DHDDS: variants seen among roughly 807,000 people sequenced by gnomAD.
DHDDS encodes dehydrodolichyl diphosphate synthase subunit.
Under a neutral mutation model 46.2 loss-of-function variants are expected in DHDDS, and 16 were observed. The observed-to-expected ratio is 0.35, with a 90% CI of 0.23 to 0.53. The LOEUF (loss-of-function observed/expected upper bound fraction) is 0.53. DHDDS is among the 20% of genes least tolerant of loss of function. The pLI, the probability that DHDDS is intolerant of heterozygous loss-of-function variation, is 0.94. For missense variants in DHDDS, 340 were observed against 423.7 expected (o/e 0.80, Z 1.73); for synonymous variants, 151 against 163.1 (o/e 0.93, Z 0.56).
rs759587643 is a variant in DHDDS, at chr1:26,468,863, TC to T, written c.766-28del. On this transcript the variant is annotated intron_variant, in intron 8 of 8. Transcript: ENST00000236342. ...GTTTCACCCACTCCTAAAAATGATC[TC>T]CCCACCCCAATCCCCACTTTTCTCT... 3.4e-6 allele frequency: 5 copies of T among 1,468,070 alleles called. No homozygotes were observed. The African/African-American group carries it at 4.5e-5, about 13-fold the overall frequency. The allele number at this position is 1,468,070 out of a possible 1,614,324, so 90.9% of individuals were successfully genotyped here.
intron 5 of DHDDS, among the ~76,000 whole-genome samples, chr1:26,447,276 C>T (rs1350561741): frequency 1.3e-5 from 2 of 152,018 alleles, no homozygotes; most frequent in East Asian, 1.9e-4. Flanking sequence ...GTCGAGATCA[C>T]GCCATTGCAC....
At chr1:26,453,869 A>G (rs971204278) in intron 6 of DHDDS, among the ~76,000 whole-genome samples, 2 of 152,128 alleles carry the variant, frequency 1.3e-5, no homozygotes, top group Non-Finnish European at 2.9e-5. Context: ...TCACCATTCC[A>G]TTTAGTGATG....
rs1281509733 is a variant in DHDDS at position 26,438,197 on chromosome 1, C to T, written c.93C>T (p.Phe31=). 1.2e-6 allele frequency: 2 copies of T among 1,613,988 alleles called. No homozygotes were observed. The highest frequency in any genetic ancestry group is 1.7e-6 in the Non-Finnish European group (2 of 1,179,892). ...GCCCAATGCCGAAACACATTGCATT[C>T]ATAATGGACGGGAACCGTCGCTATG... ...KAGPMPKHIA[F]IMDGNRRYAK... The change falls in exon 3 of 9, where the codon TTC becomes TTT. Residue 31 remains phenylalanine, a synonymous_variant. Coordinates refer to ENST00000236342, the MANE Select transcript of DHDDS (RefSeq NM_205861.3).
At chr1:26,467,840 G>A (rs1262208757) in intron 8 of DHDDS, among the ~76,000 whole-genome samples, 2 of 152,238 alleles carry the variant, frequency 1.3e-5, no homozygotes, top group Non-Finnish European at 2.9e-5. Context: ...CAGTTAGACT[G>A]GCAGGAACAG....
intron 2 of DHDDS, among the ~76,000 whole-genome samples, chr1:26,437,781 C>T (rs2075175366): frequency 6.7e-6 from 1 of 148,818 alleles, no homozygotes; most frequent in African/African-American, 2.5e-5. Flanking sequence ...CGGCCGACCC[C>T]ATCTCTTAAA....
At chr1:26,460,918 G>T (rs1318165798) in intron 8 of DHDDS, among the ~76,000 whole-genome samples, 1 of 152,138 alleles carries the variant, frequency 6.6e-6, no homozygotes, top group Non-Finnish European at 1.5e-5. Flanking sequence ...TTGTTGCCCA[G>T]GCCGGAGTGC....
intron 8 of DHDDS, chr1:26,466,944 C>A: frequency 6.0e-6 from 1 of 166,154 alleles, no homozygotes; most frequent in Non-Finnish European, 1.3e-5. Flanking sequence ...AACCCCAGTG[C>A]TCCAGGTGGA....
At chr1:26,446,265 C>T (rs759383998) in intron 4 of DHDDS, 51 bp from the exon 5 acceptor site, 2 of 1,577,374 alleles carry the variant, frequency 1.3e-6, no homozygotes, top group South Asian at 2.2e-5. Flanking sequence ...ACCTTGCTCT[C>T]TCCAGCTCAG....
chr1:26,468,813 C>CCCCCCCCCAAA, intron 8 of DHDDS, 82 bp from the exon 9 acceptor site: 1 of 1,333,668 alleles, frequency 7.5e-7, no homozygotes, highest in Non-Finnish European at 1.0e-6. Flanking sequence ...CACCCTGTGC[C>CCCCCCCCCAAA]CCACCCCCTA....
At chr1:26,447,790 C>T (rs1380983962) in intron 6 of DHDDS, 130 bp downstream of exon 6, 1 of 776,672 alleles carries the variant, frequency 1.3e-6, no homozygotes, top group Non-Finnish European at 2.2e-6. Flanking sequence ...GCCAGGAGTT[C>T]AAGACCAGCC....
chr1:26,457,764 CTCTT>C lies in DHDDS; in HGVS notation c.543-25_543-22del, dbSNP rs573448111. The C allele has an allele frequency of 2.2e-3, 3,360 of 1,542,962 alleles. 28 individuals are homozygous for C. Among genetic ancestry groups the C allele is most frequent in the Middle Eastern group, 5.9e-3 (35 of 5,918 alleles). ...AGAGAATACTACAGGATGTGTGCCTCTCTTTGTCTCTTCTTGCTCATCTTAGTGA... is the reference window on the plus strand; with the variant it reads ...AGAGAATACTACAGGATGTGTGCCTCTGTCTCTTCTTGCTCATCTTAGTGA... On this transcript the variant is annotated intron_variant, in intron 6 of 8. Transcript: ENST00000236342.
intron 4 of DHDDS, 171 bp downstream of exon 4, chr1:26,443,044 ATTTC>A: frequency 8.7e-7 from 1 of 1,151,104 alleles, no homozygotes; most frequent in Non-Finnish European, 1.1e-6. Flanking sequence ...TTCATTCTTT[ATTTC>A]TAACTTTTTA....
At chr1:26,446,516 G>GCACCAATCCAGACCAAGGAAA in intron 5 of DHDDS, 84 bp downstream of exon 5, 1 of 1,320,724 alleles carries the variant, frequency 7.6e-7, no homozygotes, top group Non-Finnish European at 1.1e-6. Context: ...GGCTTTCCTT[G>GCACCAATCCAGACCAAGGAAA]GTCTGGATTG....
intron 8 of DHDDS, chr1:26,463,258 G>A (rs1185027315): frequency 1.3e-5 from 2 of 152,266 alleles, no homozygotes; most frequent in Non-Finnish European, 2.9e-5. Flanking sequence ...GGTGGTGGCA[G>A]TAGGGAAGGG....
At chr1:26,446,684 ATAAG>A (rs1019180633) in intron 5 of DHDDS, among the ~76,000 whole-genome samples, 9 of 150,008 alleles carry the variant, frequency 6.0e-5, no homozygotes, top group African/African-American at 2.2e-4. Context: ...CCCCCACCAA[ATAAG>A]TGTGTGTGTG....
At position 26,438,123 on chromosome 1, in the gene DHDDS, TGAA is replaced by T. The variant is rs1557434269; in HGVS notation, c.64-41_64-39del. 2.5e-6 allele frequency: 4 copies of T among 1,599,166 alleles called. No individual in the cohort carries two copies. In the African/African-American group the frequency reaches 4.0e-5, roughly 16 times the overall value. On this transcript the variant is annotated intron_variant, in intron 2 of 8. Coordinates refer to ENST00000236342, the MANE Select transcript of DHDDS (RefSeq NM_205861.3). ...GGGGTGTAGTGTCTTCCTTTATCCC[TGAA>T]GAATATGAGACCTGTTCATCATTTG...
In DHDDS at chr1:26,471,046, A is replaced by C. The variant is rs1484015637; in HGVS notation, c.*1915A>C. The C allele has an allele frequency of 6.6e-6, 1 of 152,348 alleles. No homozygotes were observed. The highest frequency in any genetic ancestry group is 1.5e-5 in the Non-Finnish European group (1 of 68,132). The allele number at this position is 152,348 out of a possible 1,614,324, so 9.4% of individuals were successfully genotyped here. The stretch of plus-strand genomic sequence containing the variant: ...GGGTGGAGTAGGGAGAAGCTGCCCC[A>C]GGAGGCGATGTAGTGGTGGAAAGAA... On this transcript the variant is annotated 3_prime_UTR_variant, in exon 9 of 9. Coordinates refer to ENST00000236342, the MANE Select transcript of DHDDS (RefSeq NM_205861.3).
chr1:26,456,275 G>T (rs947863271), intron 6 of DHDDS, among the ~76,000 whole-genome samples: 1 of 152,138 alleles, frequency 6.6e-6, no homozygotes, highest in Non-Finnish European at 1.5e-5. Flanking sequence ...GGGAAGCTGA[G>T]GTAGGAGGAT....
chr1:26,466,507 C>T (rs1476093138), intron 8 of DHDDS, among the ~76,000 whole-genome samples: 1 of 152,250 alleles, frequency 6.6e-6, no homozygotes, highest in Non-Finnish European at 1.5e-5. Flanking sequence ...CCATCTCAGC[C>T]TCGCTGTCAT....
Sources: allele counts gnomAD v4.1 joint callset (sites outside exome capture counted in the v4.1 genomes callset), GRCh38; gene constraint gnomAD v4.1.1; transcripts MANE v1.5; gene names NCBI Gene and HGNC (gene_info 2026-07-23, HGNC 2026-07-21).